Variants in FCER1G observed in about 807,000 individuals in gnomAD.
FCER1G encodes Fc epsilon receptor Ig.
A neutral mutation model predicts 17.3 loss-of-function variants in FCER1G; 7 were observed. That is an observed-to-expected ratio of 0.40 (90% CI 0.23 to 0.76). FCER1G has a LOEUF of 0.76. FCER1G is among the 30% of genes least tolerant of loss of function. The pLI is 0.35. For synonymous variants in FCER1G, 35 were observed against 38.7 expected, an observed-to-expected ratio of 0.90 and a Z score of 0.35; for missense variants, 87 against 97.7, an observed-to-expected ratio of 0.89 and a Z score of 0.46.
At chr1:161,215,520 C>G in intron 1 of FCER1G, 150 bp downstream of exon 1, 1 of 728,248 alleles carries the variant, frequency 1.4e-6, no homozygotes, top group East Asian at 2.6e-5. Flanking sequence ...TCTCCAGCCC[C>G]GACCCAGGGC....
intron 1 of FCER1G, 103 bp downstream of exon 1, chr1:161,215,473 TG>T (rs1666013431): frequency 2.0e-6 from 2 of 1,017,130 alleles, no homozygotes; most frequent in Admixed American, 1.7e-5. Context: ...AGGCTGACAG[TG>T]GGTAGGTGGG....
chr1:161,216,542 G>A (rs928856480), intron 1 of FCER1G, among the ~76,000 whole-genome samples: 2 of 151,830 alleles, frequency 1.3e-5, no homozygotes, highest in African/African-American at 4.8e-5. Flanking sequence ...TGTTTCTATG[G>A]GTCATTGTTA....
rs372128651 is a variant in FCER1G, at chr1:161,218,758, G to A, written c.198+35G>A. The A allele has an allele frequency of 7.4e-6, 12 of 1,612,606 alleles. No individual in the cohort carries two copies. The African/African-American group carries it at 1.5e-4, about 20-fold the overall frequency. The stretch of plus-strand genomic sequence containing the variant: ...CCTACCTCCCCCACCCAGGAAGTCA[G>A]CAGAAGAGGGTGGGATTTTGAGCGA... On this transcript the variant is annotated intron_variant, in intron 4 of 4. Coordinates refer to ENST00000289902, the MANE Select transcript of FCER1G (RefSeq NM_004106.2).
chr1:161,215,832 TCCAC>T (rs1666027277), intron 1 of FCER1G, among the ~76,000 whole-genome samples: 3 of 151,956 alleles, frequency 2.0e-5, no homozygotes, highest in African/African-American at 7.3e-5. Context: ...ACTCAAGTGA[TCCAC>T]CCACCTCGAC....
chr1:161,216,506 T>C (rs1224324638), intron 1 of FCER1G, among the ~76,000 whole-genome samples: 3 of 151,466 alleles, frequency 2.0e-5, no homozygotes, highest in African/African-American at 7.3e-5. Context: ...GGCAAGGATA[T>C]AGCCAAGACA....
rs779126504 is a variant in FCER1G, at chr1:161,218,744, C to G, written c.198+21C>G. ...ACACGGTAAGTGTGCCTACCTCCCC[C>G]ACCCAGGAAGTCAGCAGAAGAGGGT... On this transcript the variant is annotated intron_variant, in intron 4 of 4. Coordinates refer to ENST00000289902, the MANE Select transcript of FCER1G (RefSeq NM_004106.2). 3 of 1,613,354 alleles carry G rather than the reference C, an allele frequency of 1.9e-6. No individual in the cohort carries two copies. The African/African-American group carries it at 4.0e-5, about 22-fold the overall frequency.
chr1:161,218,283 AC>A lies in FCER1G; in HGVS notation c.177+10del, dbSNP rs768726874. 3.7e-6 allele frequency: 6 copies of A among 1,611,414 alleles called. No homozygotes were observed. The highest frequency in any genetic ancestry group is 5.1e-6 in the Non-Finnish European group (6 of 1,177,682). ...AGCTATAACCAGCTATGAGGTATGG[AC>A]CCTCCTACACCTGGTGTGGACAACT... On this transcript the variant is annotated splice_region_variant and intron_variant, in intron 3 of 4. Coordinates refer to ENST00000289902, the MANE Select transcript of FCER1G (RefSeq NM_004106.2).
chr1:161,215,696 G>A (rs760499355), intron 1 of FCER1G, among the ~76,000 whole-genome samples: 25 of 152,054 alleles, frequency 1.6e-4, no homozygotes, highest in Admixed American at 6.6e-4. Flanking sequence ...GGGTTCAAGC[G>A]ATTCTCCTGC....
At chr1:161,218,588 C>T in intron 3 of FCER1G, 115 bp from the exon 4 acceptor site, 1 of 1,075,288 alleles carries the variant, frequency 9.3e-7, no homozygotes, top group South Asian at 1.3e-5. Context: ...TGTGAGTGCC[C>T]TCTAGCCCAA....
intron 1 of FCER1G, among the ~76,000 whole-genome samples, chr1:161,215,760 G>T (rs1471284896): frequency 2.0e-5 from 3 of 151,950 alleles, no homozygotes. Flanking sequence ...GCCCGGCTAA[G>T]TTAAGTATTT....
In FCER1G at chr1:161,218,738, C is replaced by T; in HGVS notation, c.198+15C>T. The T allele has an allele frequency of 6.2e-7, 1 of 1,613,692 alleles. No homozygotes were observed. Among genetic ancestry groups the T allele is most frequent in the Non-Finnish European group, 8.5e-7 (1 of 1,179,690 alleles). On this transcript the variant is annotated intron_variant, in intron 4 of 4. Transcript: ENST00000289902. ...GTGTTTACACGGTAAGTGTGCCTAC[C>T]TCCCCCACCCAGGAAGTCAGCAGAA...
intron 1 of FCER1G, among the ~76,000 whole-genome samples, chr1:161,216,377 TACACACACAC>T (rs57711151): frequency 2.2e-4 from 27 of 120,534 alleles, no homozygotes; most frequent in African/African-American, 6.7e-4. Flanking sequence ...CACACACACA[TACACACACAC>T]ACACACACAC....
chr1:161,218,728 G>A lies in FCER1G; in HGVS notation c.198+5G>A. ...AAATCAGATGGTGTTTACACGGTAAGTGTGCCTACCTCCCCCACCCAGGAA... is the reference window on the plus strand; with the variant it reads ...AAATCAGATGGTGTTTACACGGTAAATGTGCCTACCTCCCCCACCCAGGAA... On this transcript the variant is annotated splice_donor_5th_base_variant and intron_variant, in intron 4 of 4. Coordinates refer to ENST00000289902, the MANE Select transcript of FCER1G (RefSeq NM_004106.2). 1 of 1,614,026 alleles carries A rather than the reference G, an allele frequency of 6.2e-7. No homozygotes were observed. Among genetic ancestry groups the A allele is most frequent in the South Asian group, 1.1e-5 (1 of 91,072 alleles).
chr1:161,218,192 G>T (rs1354863728), intron 2 of FCER1G, 49 bp from the exon 3 acceptor site: 3 of 1,579,476 alleles, frequency 1.9e-6, no homozygotes, highest in Non-Finnish European at 2.6e-6. Flanking sequence ...GAGGGAAGGG[G>T]GATGGGCCAT....
intron 1 of FCER1G, 25 bp downstream of exon 1, chr1:161,215,395 C>T (rs1453625426): frequency 3.7e-6 from 6 of 1,606,708 alleles, no homozygotes; most frequent in African/African-American, 1.3e-5. Flanking sequence ...TGAGGGATAG[C>T]GTGAGCTGGC....
chr1:161,215,904 A>AT (rs1666029461), intron 1 of FCER1G, among the ~76,000 whole-genome samples: 1 of 151,452 alleles, frequency 6.6e-6, no homozygotes, highest in Non-Finnish European at 1.5e-5. Flanking sequence ...TATTATTATT[A>AT]AAAAAAGACA....
chr1:161,215,374 A>AGAGG lies in FCER1G; in HGVS notation c.49+6_49+9dup. On this transcript the variant is annotated splice_donor_region_variant and intron_variant, in intron 1 of 4. Coordinates refer to ENST00000289902, the MANE Select transcript of FCER1G (RefSeq NM_004106.2). ...CTCCTTTTGGTTGAACAAGCAGGTA[A>AGAGG]GAGGGTTTGGTGAGGGATAGCGTGA... 6.2e-7 allele frequency: 1 copy of AGAGG among 1,613,134 alleles called. No individual in the cohort carries two copies. Among genetic ancestry groups the AGAGG allele is most frequent in the East Asian group, 2.2e-5 (1 of 44,834 alleles).
At position 161,218,289 on chromosome 1, in the gene FCER1G, C is replaced by A. The variant is rs748659482; in HGVS notation, c.177+13C>A. On this transcript the variant is annotated intron_variant, in intron 3 of 4. Transcript: ENST00000289902. ...AACCAGCTATGAGGTATGGACCCTCCTACACCTGGTGTGGACAACTTTTCA... is the reference window on the plus strand; with the variant it reads ...AACCAGCTATGAGGTATGGACCCTCATACACCTGGTGTGGACAACTTTTCA... The A allele has an allele frequency of 3.7e-6, 6 of 1,611,434 alleles. No individual in the cohort carries two copies. Among genetic ancestry groups the A allele is most frequent in the Non-Finnish European group, 5.1e-6 (6 of 1,177,588 alleles).
At chr1:161,215,778 A>G (rs1413170921) in intron 1 of FCER1G, among the ~76,000 whole-genome samples, 2 of 151,936 alleles carry the variant, frequency 1.3e-5, no homozygotes, top group African/African-American at 4.8e-5. Flanking sequence ...TTTTTGGTAG[A>G]AACCGGGTTT....
Sources: gnomAD v4.1 joint callset for allele counts (sites outside exome capture counted in the v4.1 genomes callset) on GRCh38, gnomAD v4.1.1 for gene constraint, MANE v1.5 for transcripts, NCBI Gene and HGNC (gene_info 2026-07-23, HGNC 2026-07-21) for gene names.